The following CSMD1 variants were observed in gnomAD, a reference collection of about 807,000 sequenced individuals.
CSMD1 encodes CUB and Sushi multiple domains 1.
A neutral mutation model predicts 417.5 loss-of-function variants in CSMD1; 213 were observed. That is an observed-to-expected ratio of 0.51 (90% CI 0.46 to 0.57). The LOEUF (loss-of-function observed/expected upper bound fraction) is 0.57. Among genes scored for constraint, CSMD1 ranks in the 20% least tolerant of loss-of-function variants. The probability of loss-of-function intolerance (pLI) is 0.00; values close to 1 mark genes in which losing one functional copy is unlikely to be tolerated. For synonymous variants in CSMD1, 2,862 were observed against 1,736.8 expected, an observed-to-expected ratio of 1.65 and a Z score of -16.11; for missense variants, 6,923 against 4,529.7, an observed-to-expected ratio of 1.53 and a Z score of -15.17.
At chr8:3,152,796 C>A (rs967016998) in intron 39 of CSMD1, among the ~76,000 whole-genome samples, 3 of 152,206 alleles carry the variant, frequency 2.0e-5, no homozygotes, top group Non-Finnish European at 2.9e-5. Context: ...ATTTGCAAGG[C>A]CAGGCTCCCA....
chr8:4,640,704 C>G (rs1309374080), intron 1 of CSMD1, among the ~76,000 whole-genome samples: 1 of 151,968 alleles, frequency 6.6e-6, no homozygotes, highest in Non-Finnish European at 1.5e-5. Flanking sequence ...CAAACATAAC[C>G]ATATTTCAAC....
In CSMD1 at chr8:3,574,990, A is replaced by T. The variant is rs1267255643; in HGVS notation, c.1299T>A (p.Asp433Glu). The change falls in exon 10 of 70, where the codon GAT becomes GAA. Residue 433 changes from aspartate to glutamate, a missense_variant. Asp to Glu is a conservative substitution (Grantham distance 45). Transcript: ENST00000635120. Reference protein sequence around the residue: ...TSPNYPVQYEDNAHCVWVITT... With the variant: ...TSPNYPVQYEENAHCVWVITT... ...TGATGACCCACACACAGTGTGCATT[A>T]TCTTCATACTGAACCGGATAATTAG... 6.2e-7 allele frequency: 1 copy of T among 1,613,272 alleles called. No individual in the cohort carries two copies. Among genetic ancestry groups the T allele is most frequent in the East Asian group, 2.2e-5 (1 of 44,864 alleles).
At chr8:4,617,736 T>G (rs368035258) in intron 2 of CSMD1, among the ~76,000 whole-genome samples, 2 of 152,224 alleles carry the variant, frequency 1.3e-5, no homozygotes. Flanking sequence ...CCCAACACCT[T>G]GTTTAATTTC....
In CSMD1 at chr8:3,665,764, G is replaced by A. The variant is rs533740323; in HGVS notation, c.1009+42650C>T. Among the ~76,000 whole-genome samples, 105 of 152,278 alleles carry A rather than the reference G, an allele frequency of 6.9e-4. 3 individuals are homozygous for A. The Middle Eastern group carries it at 0.024, about 35-fold the overall frequency. On this transcript the variant is annotated intron_variant, in intron 7 of 69. Transcript: ENST00000635120. Reference sequence around the variant, plus strand: ...AAAATATAGGAAGGTGTTTATCCAAGGCAGTAGCTTGAAGCTGAGGCTATT... The same window carrying A: ...AAAATATAGGAAGGTGTTTATCCAAAGCAGTAGCTTGAAGCTGAGGCTATT...
intron 3 of CSMD1, among the ~76,000 whole-genome samples, chr8:4,164,627 C>A (rs1173772427): frequency 6.6e-6 from 1 of 152,096 alleles, no homozygotes; most frequent in African/African-American, 2.4e-5. Context: ...GGTTTACATA[C>A]TTCTGTGATT....
chr8:4,871,024 C>T (rs1162942968), intron 1 of CSMD1, among the ~76,000 whole-genome samples: 5 of 152,100 alleles, frequency 3.3e-5, no homozygotes, highest in East Asian at 1.9e-4. Flanking sequence ...GCTGTGCTCA[C>T]CCTGGGGAGC....
At chr8:3,950,094 A>T (rs920791257) in intron 5 of CSMD1, 3 of 435,822 alleles carry the variant, frequency 6.9e-6, no homozygotes, top group African/African-American at 6.2e-5. Context: ...ATCTTCCTTA[A>T]AGGCAATGAT....
chr8:3,748,563 C>A (rs377587378), intron 6 of CSMD1, among the ~76,000 whole-genome samples: 1 of 152,280 alleles, frequency 6.6e-6, no homozygotes, highest in South Asian at 2.1e-4. Context: ...ATTATTTTTA[C>A]ACTGTTTTAA....
intron 1 of CSMD1, among the ~76,000 whole-genome samples, chr8:4,716,717 T>C (rs1157376492): frequency 6.6e-6 from 1 of 152,230 alleles, no homozygotes; most frequent in African/African-American, 2.4e-5. Flanking sequence ...ATGATTTTAA[T>C]TTTGTAGTCT....
At chr8:3,771,285 A>C (rs1286948388) in intron 5 of CSMD1, among the ~76,000 whole-genome samples, 1 of 152,132 alleles carries the variant, frequency 6.6e-6, no homozygotes, top group African/African-American at 2.4e-5. Flanking sequence ...CAGAGGCTGC[A>C]CCTGCTGGTG....
At position 4,778,601 on chromosome 8, in the gene CSMD1, G is replaced by C. The variant is rs368930693; in HGVS notation, c.86-141043C>G. ...GGAAATTCCGTGAGAGGGAGGTCAT[G>C]TGCAGGTCCTACTTCTACCACTATT... On this transcript the variant is annotated intron_variant, in intron 1 of 69. Coordinates refer to ENST00000635120, the MANE Select transcript of CSMD1 (RefSeq NM_033225.6). 1.1e-4 allele frequency among the ~76,000 whole-genome samples: 17 copies of C among 152,316 alleles called. No individual in the cohort carries two copies. In the South Asian group the frequency reaches 2.7e-3, roughly 24 times the overall value.
At chr8:4,370,423 G>A (rs1802329660) in intron 3 of CSMD1, among the ~76,000 whole-genome samples, 1 of 152,068 alleles carries the variant, frequency 6.6e-6, no homozygotes, top group African/African-American at 2.4e-5. Flanking sequence ...GTCTTGGAAA[G>A]GGTCATCTTG....
intron 3 of CSMD1, among the ~76,000 whole-genome samples, chr8:4,107,157 A>G (rs757971353): frequency 2.6e-5 from 4 of 152,194 alleles, no homozygotes; most frequent in Non-Finnish European, 5.9e-5. Context: ...ACACAATTCC[A>G]GTCAACTTCA....
chr8:4,070,507 G>C (rs372570267), intron 3 of CSMD1, among the ~76,000 whole-genome samples: 4 of 151,994 alleles, frequency 2.6e-5, no homozygotes, highest in Admixed American at 2.0e-4. Flanking sequence ...ACAGGCGCCC[G>C]CCACCACGGC....
chr8:4,002,605 T>C (rs1046980449), intron 4 of CSMD1, among the ~76,000 whole-genome samples: 1 of 152,220 alleles, frequency 6.6e-6, no homozygotes, highest in African/African-American at 2.4e-5. Context: ...TCTTCCAGTT[T>C]AGCTGCTAAA....
At chr8:3,455,733 G>A (rs952397785) in intron 12 of CSMD1, among the ~76,000 whole-genome samples, 15 of 152,298 alleles carry the variant, frequency 9.8e-5, no homozygotes, top group South Asian at 2.1e-4. Flanking sequence ...CTGGGGATGC[G>A]TCCCAGTTAC....
At chr8:3,250,079 CTTTG>C (rs769998142) in intron 26 of CSMD1, among the ~76,000 whole-genome samples, 141 of 152,274 alleles carry the variant, frequency 9.3e-4, no homozygotes, top group Non-Finnish European at 1.7e-3. Context: ...TTTAATTATA[CTTTG>C]TTTTAGGGTA....
intron 5 of CSMD1, among the ~76,000 whole-genome samples, chr8:3,828,200 A>T (rs1022513557): frequency 1.3e-5 from 2 of 152,184 alleles, no homozygotes; most frequent in African/African-American, 2.4e-5. Flanking sequence ...GCAATCCTTG[A>T]TATTCCTGGC....
At chr8:4,944,811 T>C (rs1381774324) in intron 1 of CSMD1, among the ~76,000 whole-genome samples, 5 of 152,012 alleles carry the variant, frequency 3.3e-5, no homozygotes, top group Non-Finnish European at 4.4e-5. Context: ...GAATGCAAAA[T>C]GGTGCGTGGT....
Sources: gnomAD v4.1 joint callset for allele counts (sites outside exome capture counted in the v4.1 genomes callset) on GRCh38, gnomAD v4.1.1 for gene constraint, MANE v1.5 for transcripts, NCBI Gene and HGNC (gene_info 2026-07-23, HGNC 2026-07-21) for gene names.